PHC3: variants seen among roughly 807,000 people sequenced by gnomAD.
PHC3 encodes the protein polyhomeotic homolog 3.
In PHC3, 13 loss-of-function variants were observed where a neutral mutation model predicts 107.4. That is an observed-to-expected ratio of 0.12 (90% CI 0.08 to 0.19). The LOEUF is 0.19. Ranked by LOEUF, PHC3 falls within the 10% of genes least tolerant of loss-of-function variation. PHC3 has a pLI of 1.00. For missense variants in PHC3, 992 were observed against 1,210.9 expected (o/e 0.82, Z 2.68); for synonymous variants, 456 against 427.4 (o/e 1.07, Z -0.83).
intron 9 of PHC3, among the ~76,000 whole-genome samples, chr3:170,120,044 T>G (rs1229579181): frequency 6.6e-6 from 1 of 152,190 alleles, no homozygotes; most frequent in Non-Finnish European, 1.5e-5. Context: ...TTAAACTTCC[T>G]TCAAGTACTA....
intron 4 of PHC3, among the ~76,000 whole-genome samples, chr3:170,156,832 T>A (rs1726981357): frequency 1.3e-5 from 2 of 152,164 alleles, no homozygotes. Flanking sequence ...CCTGACCTCG[T>A]GATCCACGCA....
chr3:170,111,213 G>A (rs1320443033), intron 11 of PHC3, among the ~76,000 whole-genome samples: 1 of 151,586 alleles, frequency 6.6e-6, no homozygotes, highest in African/African-American at 2.4e-5. Context: ...TTTTGAGAGA[G>A]GCACACTGAC....
Position 170,094,173 on chromosome 3 carries a change from G to C in PHC3, c.*3057C>G, listed in dbSNP as rs1230417970. On this transcript the variant is annotated 3_prime_UTR_variant, in exon 15 of 15. Coordinates refer to ENST00000495893, the MANE Select transcript of PHC3 (RefSeq NM_024947.4). ...TACTTAAAAAGTGACAGGAGGATTTGGGACAACACTCTATCTCATACTATA... is the reference window on the plus strand; with the variant it reads ...TACTTAAAAAGTGACAGGAGGATTTCGGACAACACTCTATCTCATACTATA... 1 of 152,170 alleles carries C rather than the reference G, an allele frequency of 6.6e-6. No homozygotes were observed. Among genetic ancestry groups the C allele is most frequent in the Non-Finnish European group, 1.5e-5 (1 of 68,032 alleles). 9.4% of individuals were successfully genotyped at this position (152,170 alleles called of 1,614,324 possible).
At chr3:170,179,003 C>T in intron 1 of PHC3, 65 bp from the exon 2 acceptor site, 1 of 1,424,768 alleles carries the variant, frequency 7.0e-7, no homozygotes, top group Non-Finnish European at 9.7e-7. Flanking sequence ...AAAGAATATT[C>T]ATTCCAAAGA....
intron 14 of PHC3, among the ~76,000 whole-genome samples, chr3:170,101,162 TA>T (rs1410058269): frequency 3.3e-5 from 5 of 152,212 alleles, no homozygotes; most frequent in Non-Finnish European, 7.3e-5. Context: ...AACTCACATC[TA>T]AGTTTTCGTG....
intron 2 of PHC3, among the ~76,000 whole-genome samples, chr3:170,176,704 AC>A (rs1378360781): frequency 6.6e-6 from 1 of 152,210 alleles, no homozygotes; most frequent in African/African-American, 2.4e-5. Flanking sequence ...AATTCATGTA[AC>A]ATTTATCAAA....
intron 11 of PHC3, among the ~76,000 whole-genome samples, chr3:170,109,288 G>T (rs1335382592): frequency 6.6e-6 from 1 of 152,140 alleles, no homozygotes; most frequent in African/African-American, 2.4e-5. Context: ...TGCCCTAGGT[G>T]TGGCTGATTT....
intron 11 of PHC3, among the ~76,000 whole-genome samples, chr3:170,109,433 A>G (rs1273271414): frequency 6.6e-6 from 1 of 152,170 alleles, no homozygotes; most frequent in African/African-American, 2.4e-5. Flanking sequence ...TGACAGAGAC[A>G]TAAGACCCTG....
intron 4 of PHC3, among the ~76,000 whole-genome samples, chr3:170,166,183 T>G (rs1728720275): frequency 6.6e-6 from 1 of 151,926 alleles, no homozygotes; most frequent in Non-Finnish European, 1.5e-5. Flanking sequence ...TAGCTGGAAT[T>G]ATAGGCACGT....
intron 14 of PHC3, among the ~76,000 whole-genome samples, chr3:170,098,683 C>T (rs1413635799): frequency 6.6e-6 from 1 of 151,698 alleles, no homozygotes; most frequent in Non-Finnish European, 1.5e-5. Context: ...CTGTGTACAG[C>T]TGTGTGTCCA....
chr3:170,128,506 A>G, intron 8 of PHC3, 178 bp downstream of exon 8: 2 of 1,152,612 alleles, frequency 1.7e-6, no homozygotes. Flanking sequence ...CACACTAAAC[A>G]AACAATGGCA....
At chr3:170,101,515 T>C (rs1394477054) in intron 14 of PHC3, among the ~76,000 whole-genome samples, 1 of 152,192 alleles carries the variant, frequency 6.6e-6, no homozygotes, top group Non-Finnish European at 1.5e-5. Flanking sequence ...AAATAGGATG[T>C]ATTCTTCTAG....
chr3:170,153,437 T>C (rs1726341473), intron 4 of PHC3, among the ~76,000 whole-genome samples: 2 of 152,300 alleles, frequency 1.3e-5, no homozygotes, highest in African/African-American at 2.4e-5. Context: ...CCAGATAATC[T>C]TTCCCTGATT....
In PHC3 at chr3:170,122,684, G is replaced by A. The variant is rs200052284; in HGVS notation, c.1849C>T (p.Arg617Trp). Reference sequence around the variant, plus strand: ...GGTGGTGGTGGGGTTCTATCCATCCGGACACATTCATCTGACTCTTCTGGC... The same window carrying A: ...GGTGGTGGTGGGGTTCTATCCATCCAGACACATTCATCTGACTCTTCTGGC... ...EMPEESDECV[R>W]MDRTPPPPTL... The change falls in exon 9 of 15, where the codon CGG becomes TGG. Residue 617 changes from arginine (R) to tryptophan (W), a missense_variant. Around this residue, in one of 6 missense-constraint regions of PHC3, gnomAD observed 543 missense variants for 590.8 expected, o/e 0.92. Transcript: ENST00000495893. 26 of 1,613,836 alleles carry A rather than the reference G, an allele frequency of 1.6e-5. No homozygotes were observed. Among genetic ancestry groups the A allele is most frequent in the Middle Eastern group, 1.6e-4 (1 of 6,062 alleles).
intron 4 of PHC3, among the ~76,000 whole-genome samples, chr3:170,149,541 G>A (rs1018860088): frequency 5.9e-5 from 9 of 151,818 alleles, no homozygotes; most frequent in Admixed American, 5.2e-4. Flanking sequence ...TGCAACCTCC[G>A]CCTCCTGGGT....
At position 170,129,177 on chromosome 3, in the gene PHC3, A is replaced by G. The variant is rs778001188; in HGVS notation, c.1295T>C (p.Ile432Thr). The G allele has an allele frequency of 1.9e-6, 3 of 1,613,856 alleles. No individual in the cohort carries two copies. The highest frequency in any genetic ancestry group is 2.2e-5 in the South Asian group (2 of 91,080). Residue 432 changes from isoleucine (I) to threonine (T), a missense_variant, in exon 8 of 15, where the codon ATT becomes ACT. Ile to Thr is a moderately conservative substitution (Grantham distance 89). This residue lies in a region of PHC3 where 543 missense variants were observed against 590.8 expected (regional missense o/e 0.92). Coordinates refer to ENST00000495893, the MANE Select transcript of PHC3 (RefSeq NM_024947.4). ...TGATGACACAAGAGGGTGTGGCTGAATAAGTGCTTGTGGATGAATAATTAT... is the reference window on the plus strand; with the variant it reads ...TGATGACACAAGAGGGTGTGGCTGAGTAAGTGCTTGTGGATGAATAATTAT... The part of the protein sequence containing the change: ...PTIIIHPQAL[I>T]QPHPLVSSAL...
intron 8 of PHC3, among the ~76,000 whole-genome samples, chr3:170,128,065 A>T (rs914292566): frequency 1.3e-5 from 2 of 152,202 alleles, no homozygotes; most frequent in Admixed American, 1.3e-4. Context: ...TAGAAATAAC[A>T]AACCATTAAG....
intron 6 of PHC3, among the ~76,000 whole-genome samples, chr3:170,137,398 TA>T (rs1374314647): frequency 6.6e-6 from 1 of 152,134 alleles, no homozygotes; most frequent in Admixed American, 6.6e-5. Context: ...CTGAGATTTA[TA>T]ACCTTTCCAA....
chr3:170,136,185 T>C (rs1362497664), intron 7 of PHC3, among the ~76,000 whole-genome samples: 1 of 152,180 alleles, frequency 6.6e-6, no homozygotes, highest in Admixed American at 6.5e-5. Context: ...TGCTTAAAGA[T>C]GATAATCAAA....
Sources: allele counts gnomAD v4.1 joint callset (sites outside exome capture counted in the v4.1 genomes callset), GRCh38; gene constraint gnomAD v4.1.1; regional missense constraint gnomAD v4.1.1; transcripts MANE v1.5; gene names NCBI Gene and HGNC (gene_info 2026-07-23, HGNC 2026-07-21).